GNA14: variants seen among roughly 807,000 people sequenced by gnomAD.
The protein encoded by GNA14 is guanine nucleotide-binding protein subunit alpha-14.
Under a neutral mutation model 42.0 loss-of-function variants are expected in GNA14, and 50 were observed. That is an observed-to-expected ratio of 1.19 (90% CI 0.95 to 1.51). GNA14 has a LOEUF of 1.51. Among genes scored for constraint, GNA14 ranks in the 40% most tolerant of loss-of-function variants. The probability of loss-of-function intolerance (pLI) is 0.00; values close to 1 mark genes in which losing one functional copy is unlikely to be tolerated. For synonymous variants in GNA14, 173 were observed against 163.1 expected, an observed-to-expected ratio of 1.06 and a Z score of -0.46; for missense variants, 473 against 446.2, an observed-to-expected ratio of 1.06 and a Z score of -0.54.
chr9:77,492,612 C>T (rs143145243), intron 2 of GNA14, among the ~76,000 whole-genome samples: 43 of 151,992 alleles, frequency 2.8e-4, no homozygotes, highest in Non-Finnish European at 4.6e-4. Flanking sequence ...GAATGAAATA[C>T]GAAGAAATAG....
chr9:77,552,914 G>A lies in GNA14; in HGVS notation c.125-23661C>T, dbSNP rs117204033. Among the ~76,000 whole-genome samples, 468 of 152,290 alleles carry A rather than the reference G, an allele frequency of 3.1e-3. 2 individuals are homozygous for A. The highest frequency in any genetic ancestry group is 5.3e-3 in the Non-Finnish European group (362 of 68,028). On this transcript the variant is annotated intron_variant, in intron 1 of 6. Transcript: ENST00000341700. ...GTGCCAACCAACAGAACACTGTACTGCAGGCTGCCAGGAGAAAAGTGAACA... is the reference window on the plus strand; with the variant it reads ...GTGCCAACCAACAGAACACTGTACTACAGGCTGCCAGGAGAAAAGTGAACA...
chr9:77,558,640 G>A (rs1449404342), intron 1 of GNA14, among the ~76,000 whole-genome samples: 1 of 152,122 alleles, frequency 6.6e-6, no homozygotes, highest in Non-Finnish European at 1.5e-5. Context: ...GTAGAAACCA[G>A]ATGAGGTTCT....
chr9:77,451,615 C>G (rs1198773923), intron 2 of GNA14, among the ~76,000 whole-genome samples: 1 of 152,146 alleles, frequency 6.6e-6, no homozygotes, highest in Admixed American at 6.5e-5. Flanking sequence ...CAGTTATCCC[C>G]AAAAGATAAT....
chr9:77,496,706 G>A (rs1232223876), intron 2 of GNA14, among the ~76,000 whole-genome samples: 3 of 152,238 alleles, frequency 2.0e-5, no homozygotes, highest in Non-Finnish European at 2.9e-5. Flanking sequence ...TGGAGGAAGT[G>A]ACATTTGAAC....
intron 1 of GNA14, among the ~76,000 whole-genome samples, chr9:77,601,150 C>T (rs796298732): frequency 9.2e-5 from 14 of 152,294 alleles, no homozygotes; most frequent in African/African-American, 2.9e-4. Context: ...GCAGGAACCC[C>T]TCTTGCTTTG....
intron 1 of GNA14, among the ~76,000 whole-genome samples, chr9:77,615,375 T>C (rs1823794399): frequency 1.3e-5 from 2 of 152,264 alleles, no homozygotes; most frequent in South Asian, 4.1e-4. Flanking sequence ...TGAAACACCT[T>C]CTTTCTTCTG....
chr9:77,453,789 G>A (rs181902495), intron 2 of GNA14, among the ~76,000 whole-genome samples: 197 of 152,262 alleles, frequency 1.3e-3, no homozygotes, highest in African/African-American at 4.5e-3. Flanking sequence ...GGGGAGGCCC[G>A]AACACAGCAC....
At position 77,428,977 on chromosome 9, in the gene GNA14, C is replaced by G. The variant is rs538543694; in HGVS notation, c.653G>C (p.Ser218Thr). Reference protein sequence around the residue: ...ERRKWIHCFESVTSIIFLVAL... With the variant: ...ERRKWIHCFETVTSIIFLVAL... ...AACCAAGAAAATAATGGAGGTGACA[C>G]TCTCAAAGCAGTGAATCCACTTCCG... Residue 218 changes from serine to threonine, a missense_variant, in exon 5 of 7, where the codon AGT becomes ACT. Physicochemically the swap from Ser to Thr is moderately conservative, Grantham distance 58. Coordinates refer to ENST00000341700, the MANE Select transcript of GNA14 (RefSeq NM_004297.4). The G allele has an allele frequency of 4.3e-6, 7 of 1,613,796 alleles. No individual in the cohort carries two copies. The African/African-American group carries it at 9.3e-5, about 22-fold the overall frequency.
At chr9:77,428,880 G>A (rs1835497961) in intron 5 of GNA14, 27 bp downstream of exon 5, 2 of 1,609,398 alleles carry the variant, frequency 1.2e-6, no homozygotes, top group Admixed American at 1.7e-5. Context: ...GGCTTCCACA[G>A]CTACCCAAAC....
At chr9:77,431,530 C>T (rs555919474) in intron 3 of GNA14, 81 bp from the exon 4 acceptor site, 3 of 1,298,306 alleles carry the variant, frequency 2.3e-6, no homozygotes, top group East Asian at 2.3e-5. Context: ...AGTCACCCCC[C>T]ACTCACAGTG....
chr9:77,524,686 G>T (rs919316445), intron 2 of GNA14, among the ~76,000 whole-genome samples: 8 of 152,112 alleles, frequency 5.3e-5, no homozygotes, highest in African/African-American at 1.9e-4. Context: ...ATGGTACTTT[G>T]TCACAGTTTC....
chr9:77,634,128 T>C (rs7854640), intron 1 of GNA14, among the ~76,000 whole-genome samples: 3,047 of 152,196 alleles, frequency 0.02, 95 homozygotes, highest in African/African-American at 0.069. Flanking sequence ...AAAGTCTTTA[T>C]GAAAATACAA....
At chr9:77,509,524 G>C (rs1482034004) in intron 2 of GNA14, among the ~76,000 whole-genome samples, 6 of 152,152 alleles carry the variant, frequency 3.9e-5, no homozygotes, top group Non-Finnish European at 1.5e-5. Context: ...TAAAAAGAGG[G>C]AGAAGGAATA....
intron 2 of GNA14, among the ~76,000 whole-genome samples, chr9:77,476,626 TA>T (rs1241986669): frequency 6.6e-6 from 1 of 152,240 alleles, no homozygotes; most frequent in Non-Finnish European, 1.5e-5. Flanking sequence ...CCTGAAGGCT[TA>T]ATAAAATGAT....
At chr9:77,576,412 A>AT (rs1270146334) in intron 1 of GNA14, among the ~76,000 whole-genome samples, 4 of 152,204 alleles carry the variant, frequency 2.6e-5, no homozygotes, top group African/African-American at 9.6e-5. Context: ...AATCGAAAGC[A>AT]TAGTGTTTAT....
At chr9:77,534,295 C>T (rs754979492) in intron 1 of GNA14, among the ~76,000 whole-genome samples, 16 of 152,088 alleles carry the variant, frequency 1.1e-4, no homozygotes, top group East Asian at 1.9e-4. Flanking sequence ...TCGAGTCTTC[C>T]GAAATTCTAC....
At chr9:77,647,081 C>T (rs558573039) in intron 1 of GNA14, among the ~76,000 whole-genome samples, 1 of 152,358 alleles carries the variant, frequency 6.6e-6, no homozygotes, top group African/African-American at 2.4e-5. Flanking sequence ...ACGGCATGGG[C>T]TTCACCCCCA....
chr9:77,439,599 C>CG (rs1224545762), intron 2 of GNA14, among the ~76,000 whole-genome samples: 1 of 152,148 alleles, frequency 6.6e-6, no homozygotes, highest in African/African-American at 2.4e-5. Context: ...ATCGTGCCAC[C>CG]GCACTTCGGC....
intron 1 of GNA14, among the ~76,000 whole-genome samples, chr9:77,609,904 G>A (rs1463439816): frequency 6.6e-6 from 1 of 152,140 alleles, no homozygotes; most frequent in Non-Finnish European, 1.5e-5. Flanking sequence ...TCTGACCAAG[G>A]GAAGATTTTC....
Sources: gnomAD v4.1 joint callset for allele counts (sites outside exome capture counted in the v4.1 genomes callset) on GRCh38, gnomAD v4.1.1 for gene constraint, MANE v1.5 for transcripts, NCBI Gene and HGNC (gene_info 2026-07-23, HGNC 2026-07-21) for gene names.